Variants in NTM observed in about 807,000 individuals in gnomAD.
NTM encodes the protein IgLON family member 2.
A neutral mutation model predicts 42.1 loss-of-function variants in NTM; 13 were observed. That is an observed-to-expected ratio of 0.31 (90% CI 0.20 to 0.49). NTM has a LOEUF of 0.49. Ranked by LOEUF, NTM falls within the 20% of genes least tolerant of loss-of-function variation. The pLI, the probability that NTM is intolerant of heterozygous loss-of-function variation, is 0.99. For missense variants in NTM, 373 were observed against 452.8 expected (o/e 0.82, Z 1.60); for synonymous variants, 187 against 179.2 (o/e 1.04, Z -0.35).
At chr11:131,534,168 G>T (rs1419688273) in intron 1 of NTM, 1 of 152,172 alleles carries the variant, frequency 6.6e-6, no homozygotes, top group Non-Finnish European at 1.5e-5. Context: ...CACTTTGTTG[G>T]ATGTTTCCCT....
chr11:131,997,619 T>C (rs760154243), intron 2 of NTM, among the ~76,000 whole-genome samples: 1 of 152,214 alleles, frequency 6.6e-6, no homozygotes, highest in African/African-American at 2.4e-5. Flanking sequence ...ACACTTGTAA[T>C]GATCTGAACT....
intron 3 of NTM, among the ~76,000 whole-genome samples, chr11:132,161,253 T>A (rs568253525): frequency 6.6e-6 from 1 of 152,120 alleles, no homozygotes; most frequent in African/African-American, 2.4e-5. Flanking sequence ...GCACCCTGTT[T>A]AGAAGATCGG....
intron 2 of NTM, among the ~76,000 whole-genome samples, chr11:132,068,291 A>T (rs1413298810): frequency 6.6e-6 from 1 of 152,214 alleles, no homozygotes; most frequent in Non-Finnish European, 1.5e-5. Flanking sequence ...ATTTTACTAT[A>T]AGCAGAAAGA....
intron 1 of NTM, among the ~76,000 whole-genome samples, chr11:131,626,353 C>T (rs182801563): frequency 2.4e-3 from 360 of 152,086 alleles, no homozygotes; most frequent in Non-Finnish European, 4.1e-3. Flanking sequence ...AATATACAAA[C>T]GTATATTCAT....
chr11:132,241,287 C>A (rs986979332), intron 4 of NTM, among the ~76,000 whole-genome samples: 2 of 152,008 alleles, frequency 1.3e-5, no homozygotes, highest in African/African-American at 2.4e-5. Context: ...TCATATATAA[C>A]AAATTTATAT....
intron 1 of NTM, among the ~76,000 whole-genome samples, chr11:131,428,458 G>A (rs982199365): frequency 2.6e-5 from 4 of 151,978 alleles, no homozygotes; most frequent in Non-Finnish European, 4.4e-5. Context: ...TGCCCTCAGT[G>A]CCTTATCCTA....
At chr11:131,376,604 T>G (rs754740553) in intron 1 of NTM, among the ~76,000 whole-genome samples, 16 of 151,488 alleles carry the variant, frequency 1.1e-4, no homozygotes, top group Admixed American at 2.0e-4. Context: ...AGCTAAGAAA[T>G]CAAATATTGG....
At chr11:132,299,735 C>T (rs962385394) in intron 4 of NTM, among the ~76,000 whole-genome samples, 4 of 152,184 alleles carry the variant, frequency 2.6e-5, no homozygotes, top group Admixed American at 2.6e-4. Context: ...TGAGGTCTGT[C>T]CTGCAGTGTT....
At chr11:132,328,909 C>T (rs1389670971) in intron 7 of NTM, among the ~76,000 whole-genome samples, 2 of 152,158 alleles carry the variant, frequency 1.3e-5, no homozygotes, top group Non-Finnish European at 2.9e-5. Context: ...ATCATCACCC[C>T]TGGCTTTTCC....
chr11:132,048,635 C>T (rs1246677922), intron 2 of NTM, among the ~76,000 whole-genome samples: 4 of 152,106 alleles, frequency 2.6e-5, no homozygotes, highest in Admixed American at 2.0e-4. Flanking sequence ...CAAGATACAA[C>T]CACAGTGGCT....
chr11:132,029,073 T>G (rs1460934048), intron 2 of NTM, among the ~76,000 whole-genome samples: 9 of 150,458 alleles, frequency 6.0e-5, no homozygotes, highest in Admixed American at 5.3e-4. Flanking sequence ...TTTTTTTTTT[T>G]GTTTTGTTTT....
At chr11:132,325,329 A>AAACAAACAAC (rs2095655933) in intron 7 of NTM, among the ~76,000 whole-genome samples, 1 of 152,014 alleles carries the variant, frequency 6.6e-6, no homozygotes, top group South Asian at 2.1e-4. Context: ...TACAAGAAAA[A>AAACAAACAAC]AACAACCCCA....
intron 4 of NTM, among the ~76,000 whole-genome samples, chr11:132,251,493 A>G (rs2091933425): frequency 6.6e-6 from 1 of 152,156 alleles, no homozygotes; most frequent in African/African-American, 2.4e-5. Flanking sequence ...TTTAAACCAC[A>G]TCGCACATCT....
intron 1 of NTM, among the ~76,000 whole-genome samples, chr11:131,639,522 G>A (rs2064856173): frequency 6.6e-6 from 1 of 152,216 alleles, no homozygotes; most frequent in Non-Finnish European, 1.5e-5. Flanking sequence ...GTTCTGCATA[G>A]TTGGGAACTG....
intron 1 of NTM, among the ~76,000 whole-genome samples, chr11:131,452,400 C>T (rs1950552484): frequency 6.6e-6 from 1 of 152,208 alleles, no homozygotes; most frequent in Admixed American, 6.5e-5. Flanking sequence ...TGGGAAAAGA[C>T]ATTTCCCGTT....
intron 1 of NTM, among the ~76,000 whole-genome samples, chr11:131,510,953 G>A (rs1374717971): frequency 6.6e-6 from 1 of 152,188 alleles, no homozygotes; most frequent in African/African-American, 2.4e-5. Flanking sequence ...TGTGTGGAAG[G>A]ACAGGGCCAT....
intron 2 of NTM, among the ~76,000 whole-genome samples, chr11:132,072,101 A>C (rs1164249841): frequency 1.3e-5 from 2 of 152,178 alleles, no homozygotes; most frequent in Non-Finnish European, 2.9e-5. Context: ...GACTCGATAG[A>C]GGAAGTGAGT....
chr11:131,795,356 T>G, intron 1 of NTM: 1 of 981,644 alleles, frequency 1.0e-6, no homozygotes, highest in South Asian at 4.7e-5. Context: ...GAGATGTTAT[T>G]GTTATGAGCT....
chr11:131,702,596 C>A (rs1263217044), intron 1 of NTM, among the ~76,000 whole-genome samples: 4 of 152,134 alleles, frequency 2.6e-5, no homozygotes, highest in Non-Finnish European at 5.9e-5. Context: ...GCAGCAGCAC[C>A]AGACAAACAG....
Sources: allele counts gnomAD v4.1 joint callset (sites outside exome capture counted in the v4.1 genomes callset), GRCh38; gene constraint gnomAD v4.1.1; transcripts MANE v1.5; gene names NCBI Gene and HGNC (gene_info 2026-07-23, HGNC 2026-07-21).